Variants in RORA observed in about 807,000 individuals in gnomAD.
The protein encoded by RORA is RAR related orphan receptor A.
In RORA, 7 loss-of-function variants were observed where a neutral mutation model predicts 69.5. The observed-to-expected ratio is 0.10, with a 90% CI of 0.06 to 0.19. The LOEUF is 0.19. Among genes scored for constraint, RORA ranks in the 10% least tolerant of loss-of-function variants. The pLI, the probability that RORA is intolerant of heterozygous loss-of-function variation, is 1.00. For missense variants in RORA, 457 were observed against 663.0 expected (o/e 0.69, Z 3.41); for synonymous variants, 261 against 240.8 (o/e 1.08, Z -0.78).
intron 2 of RORA, among the ~76,000 whole-genome samples, chr15:60,542,790 G>A (rs114464968): frequency 0.019 from 2,827 of 149,564 alleles, 114 homozygotes; most frequent in African/African-American, 0.069. Flanking sequence ...TGCAAGTCCT[G>A]CCTCCACTTG....
intron 1 of RORA, among the ~76,000 whole-genome samples, chr15:60,835,769 T>C (rs1296898064): frequency 6.6e-6 from 1 of 152,246 alleles, no homozygotes; most frequent in East Asian, 1.9e-4. Flanking sequence ...TACGATCCTC[T>C]GCTTTGGTTT....
chr15:60,883,401 A>G (rs970924913), intron 1 of RORA, among the ~76,000 whole-genome samples: 1 of 152,210 alleles, frequency 6.6e-6, no homozygotes, highest in Non-Finnish European at 1.5e-5. Flanking sequence ...CATAAATTAT[A>G]TTAAAAAGTG....
chr15:61,137,116 C>T (rs774583578), intron 1 of RORA, among the ~76,000 whole-genome samples: 1 of 149,130 alleles, frequency 6.7e-6, no homozygotes, highest in Non-Finnish European at 1.5e-5. Context: ...GCAAGGGTGT[C>T]CAGGGTGGCA....
At chr15:60,901,651 C>T (rs1373011421) in intron 1 of RORA, among the ~76,000 whole-genome samples, 7 of 130,098 alleles carry the variant, frequency 5.4e-5, no homozygotes, top group African/African-American at 2.0e-4. Flanking sequence ...GAGTCCCATT[C>T]ACTGTTAAAT....
At position 60,858,646 on chromosome 15, in the gene RORA, C is replaced by T. The variant is rs947144756; in HGVS notation, c.167-179960G>A. Among the ~76,000 whole-genome samples the T allele has an allele frequency of 8.0e-5, 12 of 149,870 alleles. 1 individual carries two copies. Among genetic ancestry groups the T allele is most frequent in the Admixed American group, 7.4e-4 (11 of 14,962 alleles). ...GAACCTGGGGAAATCAAACCACCTG[C>T]CTGGGTTTCACTCTGAGTTTTCAGA... On this transcript the variant is annotated intron_variant, in intron 1 of 10. Transcript: ENST00000335670.
chr15:61,115,582 T>G (rs899690196), intron 1 of RORA, among the ~76,000 whole-genome samples: 8 of 152,150 alleles, frequency 5.3e-5, no homozygotes, highest in Admixed American at 5.2e-4. Context: ...TCATTTTCCC[T>G]CATAAGGTAC....
intron 1 of RORA, among the ~76,000 whole-genome samples, chr15:60,925,384 T>C (rs1408465473): frequency 6.6e-6 from 1 of 152,236 alleles, no homozygotes; most frequent in Non-Finnish European, 1.5e-5. Flanking sequence ...GGAGACAGGC[T>C]GGACCAGTAA....
At chr15:60,811,551 A>G (rs2072742973) in intron 1 of RORA, among the ~76,000 whole-genome samples, 1 of 152,236 alleles carries the variant, frequency 6.6e-6, no homozygotes, top group African/African-American at 2.4e-5. Flanking sequence ...TTAATCTGCT[A>G]TCTCTAACCA....
chr15:61,121,130 G>A (rs1447479596), intron 1 of RORA, among the ~76,000 whole-genome samples: 1 of 152,116 alleles, frequency 6.6e-6, no homozygotes, highest in Non-Finnish European at 1.5e-5. Context: ...GGTTACAGAC[G>A]TGGGCCACCA....
At chr15:60,545,571 G>C (rs1342720283) in intron 2 of RORA, among the ~76,000 whole-genome samples, 1 of 152,108 alleles carries the variant, frequency 6.6e-6, no homozygotes, top group African/African-American at 2.4e-5. Flanking sequence ...ATCCATTTTA[G>C]GAATGTTTTT....
intron 1 of RORA, among the ~76,000 whole-genome samples, chr15:61,161,204 T>C (rs2079493006): frequency 6.6e-6 from 1 of 152,194 alleles, no homozygotes; most frequent in Admixed American, 6.5e-5. Context: ...CTCAACTCCA[T>C]GGTCCCCCAA....
intron 1 of RORA, among the ~76,000 whole-genome samples, chr15:60,831,847 G>C (rs1323703135): frequency 1.3e-5 from 2 of 152,174 alleles, no homozygotes; most frequent in African/African-American, 4.8e-5. Flanking sequence ...TTAAAAACAA[G>C]CGAGTAAGGT....
At chr15:60,529,401 C>G (rs894016374) in intron 3 of RORA, 14 of 152,070 alleles carry the variant, frequency 9.2e-5, no homozygotes, top group African/African-American at 2.9e-4. Flanking sequence ...TTAGTTATAG[C>G]AGAGAGAAAT....
chr15:61,025,515 G>C (rs1013693889), intron 1 of RORA, among the ~76,000 whole-genome samples: 3 of 152,194 alleles, frequency 2.0e-5, no homozygotes, highest in African/African-American at 7.2e-5. Context: ...CCAGTTTCTA[G>C]AGATGAAAAT....
rs74796541 is a variant in RORA, at chr15:60,770,346, C to T, written c.167-91660G>A. 9.5e-3 allele frequency among the ~76,000 whole-genome samples: 1,452 copies of T among 152,208 alleles called. 25 individuals carry two copies. Among genetic ancestry groups the T allele is most frequent in the African/African-American group, 0.033 (1,355 of 41,510 alleles). On this transcript the variant is annotated intron_variant, in intron 1 of 10. Transcript: ENST00000335670. ...GTGTTTCTTAACTGACCAGCACATA[C>T]AGGCAGGTGTGGAAAGCCTAGAAGT...
chr15:60,777,336 T>C (rs895741134), intron 1 of RORA, among the ~76,000 whole-genome samples: 4 of 152,074 alleles, frequency 2.6e-5, no homozygotes, highest in Non-Finnish European at 4.4e-5. Flanking sequence ...TCATGGAAAA[T>C]TGATAGCCTA....
At chr15:60,676,436 C>A (rs538513260) in intron 2 of RORA, among the ~76,000 whole-genome samples, 1 of 152,280 alleles carries the variant, frequency 6.6e-6, no homozygotes, top group African/African-American at 2.4e-5. Context: ...CCAATTTTGT[C>A]ATTCGGCCAT....
At chr15:60,776,355 T>A (rs2072166850) in intron 1 of RORA, among the ~76,000 whole-genome samples, 2 of 152,152 alleles carry the variant, frequency 1.3e-5, no homozygotes, top group African/African-American at 4.8e-5. Flanking sequence ...TCTGGCAAGG[T>A]CTTCAGGAGA....
At chr15:60,585,837 C>T (rs995937268) in intron 2 of RORA, among the ~76,000 whole-genome samples, 54 of 148,778 alleles carry the variant, frequency 3.6e-4, no homozygotes, top group African/African-American at 1.3e-3. Context: ...TGAAGAACAA[C>T]GAGTTAAACT....
Sources: allele counts gnomAD v4.1 joint callset (sites outside exome capture counted in the v4.1 genomes callset), GRCh38; gene constraint gnomAD v4.1.1; transcripts MANE v1.5; gene names NCBI Gene and HGNC (gene_info 2026-07-23, HGNC 2026-07-21).